Variants in NLRP7 observed in about 807,000 individuals in gnomAD.
NLRP7 encodes the protein NACHT, LRR and PYD domains-containing protein 7.
Under a neutral mutation model 85.5 loss-of-function variants are expected in NLRP7, and 72 were observed. The ratio of observed to expected loss-of-function variants is 0.84; its 90% CI spans 0.70 to 1.02. The LOEUF is 1.02. NLRP7 is among the 50% of genes least tolerant of loss of function. The pLI is 0.00. For missense variants in NLRP7, 1,243 were observed against 1,219.5 expected (o/e 1.02, Z -0.29); for synonymous variants, 550 against 505.2 (o/e 1.09, Z -1.19).
intron 1 of NLRP7, among the ~76,000 whole-genome samples, chr19:54,959,714 T>A (rs980729024): frequency 6.6e-6 from 1 of 151,698 alleles, no homozygotes; most frequent in Non-Finnish European, 1.5e-5. Flanking sequence ...AATAAAAAAA[T>A]TAAAATTAGT....
chr19:54,947,511 A>G (rs965151914), upstream of NLRP7: 20 of 1,289,512 alleles, frequency 1.6e-5, no homozygotes, highest in Non-Finnish European at 2.0e-5. Context: ...GTTTCCTGCA[A>G]AGGAAACGGA....
intron 9 of NLRP7, among the ~76,000 whole-genome samples, 197 bp downstream of exon 10, chr19:54,927,408 A>C (rs2068491106): frequency 6.6e-6 from 1 of 151,624 alleles, no homozygotes; most frequent in South Asian, 2.1e-4. Flanking sequence ...AAAGAAAAAA[A>C]TTAGCTGGAC....
At chr19:54,953,799 G>A (rs1041802476) in intron 1 of NLRP7, among the ~76,000 whole-genome samples, 5 of 151,242 alleles carry the variant, frequency 3.3e-5, no homozygotes, top group East Asian at 2.0e-4. Context: ...TCAGGAGATT[G>A]AGACCATCCT....
chr19:54,966,000 TTTCAC>T (rs1337139114), intron 1 of NLRP7: 2 of 145,292 alleles, frequency 1.4e-5, no homozygotes, highest in Non-Finnish European at 3.0e-5. Context: ...GTCATTGATA[TTTCAC>T]TTGAAATACG....
Position 54,934,131 on chromosome 19 carries a change from C to T in NLRP7, c.2471+358G>A, listed in dbSNP as rs978067372. Among the ~76,000 whole-genome samples the T allele has an allele frequency of 9.9e-5, 15 of 152,108 alleles. No individual in the cohort carries two copies. Among genetic ancestry groups the T allele is most frequent in the South Asian group, 4.1e-4 (2 of 4,820 alleles). On this transcript the variant is annotated intron_variant, in intron 7 of 9. Coordinates refer to ENST00000340844, the Ensembl canonical transcript of NLRP7. This position sits in a 1 kb window ranked among gnomAD's most constrained non-coding sequence, Gnocchi z 6.7. ...AATTTTTTGTATTTTTTAGTAGAGA[C>T]GGGGTTTCACCATGTTAGCCAGGAT...
At chr19:54,959,346 C>T (rs1372352266) in intron 1 of NLRP7, among the ~76,000 whole-genome samples, 2 of 149,830 alleles carry the variant, frequency 1.3e-5, no homozygotes, top group Non-Finnish European at 3.0e-5. Context: ...ACCATGTTGG[C>T]CAGGCTGGTC....
rs145763389 is a variant in NLRP7 at position 54,959,427 on chromosome 19, G to A, written c.-77+6613C>T. On this transcript the variant is annotated intron_variant, in intron 1 of 2. Coordinates refer to the NLRP7 transcript ENST00000587103. ...GCTGGGATTACAGGCGTGAGCCACC[G>A]TGCCCGGCCTCCTTGTTTTTTTTCT... Among the ~76,000 whole-genome samples, 473 of 150,452 alleles carry A rather than the reference G, an allele frequency of 3.1e-3. 4 individuals are homozygous for A. The highest frequency in any genetic ancestry group is 0.01 in the African/African-American group (414 of 40,670).
intron 1 of NLRP7, among the ~76,000 whole-genome samples, chr19:54,954,524 G>C (rs1413210974): frequency 2.6e-5 from 2 of 76,592 alleles, no homozygotes; most frequent in East Asian, 4.3e-4. Context: ...GCGAGACTCC[G>C]TCTCAAAAAA....
rs139862149 is a variant in NLRP7 at position 54,946,847 on chromosome 19, G to A, written c.-40+622C>T. ...TAGAGACAGGGTTTCACCATTTTGG[G>A]CAGGCTGGTCTCAAACTTCTGGCCT... is the stretch of plus-strand genomic sequence containing the variant. On this transcript the variant is annotated intron_variant, in intron 1 of 9. Coordinates refer to ENST00000340844, the Ensembl canonical transcript of NLRP7. 5.2e-3 allele frequency among the ~76,000 whole-genome samples: 790 copies of A among 151,808 alleles called. 1 individual carries two copies. The highest frequency in any genetic ancestry group is 8.4e-3 in the Non-Finnish European group (571 of 67,892).
intron 1 of NLRP7, among the ~76,000 whole-genome samples, chr19:54,947,142 T>A (rs531775776): frequency 3.3e-5 from 5 of 152,092 alleles, no homozygotes; most frequent in Admixed American, 3.3e-4. Flanking sequence ...CTGGCCAACA[T>A]GGTGAGACCC....
chr19:54,932,129 TAAC>T (rs1171861107), intron 8 of NLRP7, among the ~76,000 whole-genome samples: 1 of 152,116 alleles, frequency 6.6e-6, no homozygotes, highest in Non-Finnish European at 1.5e-5. Context: ...ACTGTTTGTT[TAAC>T]AATAGTTATT....
Position 54,940,367 on chromosome 19 carries a change from G to A in NLRP7, c.452C>T (p.Thr151Ile), listed in dbSNP as rs1436815129. The change falls in exon 4 of 10, where the codon ACT becomes ATT. Residue 151 changes from threonine to isoleucine, a missense_variant. Thr to Ile is a moderately conservative substitution (Grantham distance 89, BLOSUM62 -1). Around this residue, in one of 3 missense-constraint regions of NLRP7, gnomAD observed 591 missense variants for 563.3 expected, o/e 1.05. Coordinates refer to ENST00000340844, the Ensembl canonical transcript of NLRP7. ...TGGAATGAACCGTTGGTTTCTCAGA[G>A]TGACGTCGTCATGGAAATTGTCAAT... The A allele has an allele frequency of 1.9e-6, 3 of 1,614,094 alleles. No homozygotes were observed. Among genetic ancestry groups the A allele is most frequent in the African/African-American group, 1.3e-5 (1 of 74,926 alleles).
exon 3 of NLRP7, chr19:54,940,948 G>A (rs2069194266): frequency 2.5e-6 from 4 of 1,611,788 alleles, no homozygotes; most frequent in Admixed American, 1.7e-5. Context: ...TGCTAACTCC[G>A]AGTCTTCTTC....
exon 1 of NLRP7, chr19:54,947,497 C>T (rs1015253076): frequency 2.3e-6 from 3 of 1,289,758 alleles, no homozygotes; most frequent in South Asian, 2.5e-5. Context: ...TGCTTCCAGC[C>T]TGTGTTTCCT....
At chr19:54,950,608 A>G (rs1018115009), upstream of NLRP7, among the ~76,000 whole-genome samples, 1 of 152,182 alleles carries the variant, frequency 6.6e-6, no homozygotes, top group South Asian at 2.1e-4. Flanking sequence ...ATGCATACAC[A>G]TAAACATCTC....
chr19:54,944,568 T>C (rs2069383998), intron 1 of NLRP7, among the ~76,000 whole-genome samples: 1 of 152,052 alleles, frequency 6.6e-6, no homozygotes, highest in Non-Finnish European at 1.5e-5. Flanking sequence ...CACTTTTCTT[T>C]CTGTGTACTT....
chr19:54,940,378 A>G, exon 4 of NLRP7: 1 of 1,614,208 alleles, frequency 6.2e-7, no homozygotes, highest in Non-Finnish European at 8.5e-7. Context: ...TGACGTCGTC[A>G]TGGAAATTGT....
intron 8 of NLRP7, 29 bp from the exon 9 acceptor site, chr19:54,930,695 T>C: frequency 6.2e-7 from 1 of 1,602,838 alleles, no homozygotes; most frequent in Non-Finnish European, 8.5e-7. Flanking sequence ...AAGAGAAGCC[T>C]GTTATCCCTC....
intron 1 of NLRP7, among the ~76,000 whole-genome samples, chr19:54,962,609 T>C (rs536536741): frequency 6.8e-6 from 1 of 148,024 alleles, no homozygotes; most frequent in East Asian, 2.1e-4. Context: ...TTTTTGTTTG[T>C]TTGTTTTTGA....
Sources: allele counts gnomAD v4.1 joint callset (sites outside exome capture counted in the v4.1 genomes callset), GRCh38; gene constraint gnomAD v4.1.1; regional missense constraint gnomAD v4.1.1; non-coding constraint Gnocchi (gnomAD v3.1); transcripts MANE v1.5; gene names NCBI Gene and HGNC (gene_info 2026-07-23, HGNC 2026-07-21).